The following SLC5A1 variants were observed in gnomAD, a reference collection of about 807,000 sequenced individuals.
The protein encoded by SLC5A1 is solute carrier family 5 member 1, also known as sodium/glucose cotransporter 1.
SLC5A1 carries 42 observed loss-of-function variants against 73.5 expected under a neutral mutation model. The observed-to-expected ratio is 0.57, with a 90% confidence interval of 0.45 to 0.74. The LOEUF is 0.74. Among genes scored for constraint, SLC5A1 ranks in the 30% least tolerant of loss-of-function variants. The pLI, the probability that SLC5A1 is intolerant of heterozygous loss-of-function variation, is 0.00. For missense variants in SLC5A1, 634 were observed against 855.4 expected (o/e 0.74, Z 3.23); for synonymous variants, 300 against 317.4 (o/e 0.95, Z 0.58).
At chr22:32,087,021 C>A (rs2094009432) in intron 10 of SLC5A1, among the ~76,000 whole-genome samples, 1 of 152,096 alleles carries the variant, frequency 6.6e-6, no homozygotes, top group Non-Finnish European at 1.5e-5. Flanking sequence ...ACAAATACCA[C>A]ATATTGTCAC....
chr22:32,079,112 A>G (rs2093995579), intron 5 of SLC5A1, among the ~76,000 whole-genome samples: 1 of 152,168 alleles, frequency 6.6e-6, no homozygotes, highest in Admixed American at 6.5e-5. Context: ...CTCTCTGAAC[A>G]TGAAGAAAAG....
intron 11 of SLC5A1, among the ~76,000 whole-genome samples, chr22:32,092,895 G>C (rs1346515603): frequency 6.6e-6 from 1 of 152,094 alleles, no homozygotes; most frequent in Non-Finnish European, 1.5e-5. Flanking sequence ...GCCTAGGAGG[G>C]TTTTTCTGAT....
chr22:32,055,987 G>T (rs796418426), intron 2 of SLC5A1, among the ~76,000 whole-genome samples: 2 of 152,086 alleles, frequency 1.3e-5, no homozygotes, highest in Admixed American at 1.3e-4. Flanking sequence ...AATCACAAAC[G>T]CTAGCAAATG....
intron 11 of SLC5A1, among the ~76,000 whole-genome samples, chr22:32,093,067 C>A (rs2094020638): frequency 6.6e-6 from 1 of 152,100 alleles, no homozygotes; most frequent in Non-Finnish European, 1.5e-5. Context: ...GTGTCCTTTC[C>A]CCACTTTATA....
chr22:32,066,705 A>C (rs1421828438), intron 2 of SLC5A1, among the ~76,000 whole-genome samples: 4 of 152,202 alleles, frequency 2.6e-5, no homozygotes, highest in African/African-American at 9.6e-5. Flanking sequence ...TTTGGGATAC[A>C]TCCCACTGCT....
At position 32,111,770 on chromosome 22, in the gene SLC5A1, G is replaced by A. The variant is rs1251675431; in HGVS notation, c.*1557G>A. 6.6e-6 allele frequency: 1 copy of A among 152,134 alleles called. No homozygotes were observed. Among genetic ancestry groups the A allele is most frequent in the Non-Finnish European group, 1.5e-5 (1 of 68,032 alleles). 9.4% of individuals were successfully genotyped at this position (152,134 alleles called of 1,614,324 possible). A position where few individuals can be genotyped will look rare whatever the true frequency, so the allele number is the denominator to read the frequency against. On this transcript the variant is annotated 3_prime_UTR_variant, in exon 15 of 15. Coordinates refer to ENST00000266088, the MANE Select transcript of SLC5A1 (RefSeq NM_000343.4). ...TAGCATGTCAGCAAATACAAGCAAA[G>A]CCCAACACTCTGATTTGCATTTATG...
At chr22:32,091,420 T>C (rs1171330426) in intron 10 of SLC5A1, among the ~76,000 whole-genome samples, 192 bp from the exon 11 acceptor site, 1 of 152,098 alleles carries the variant, frequency 6.6e-6, no homozygotes, top group Non-Finnish European at 1.5e-5. Flanking sequence ...GTGGCTGCTG[T>C]GGGCTTATAA....
At chr22:32,067,131 A>G (rs2093974816) in intron 3 of SLC5A1, 92 bp downstream of exon 3, 1 of 1,085,258 alleles carries the variant, frequency 9.2e-7, no homozygotes, top group African/African-American at 1.5e-5. Context: ...TGAAGATGTT[A>G]GGGAACCCTT....
chr22:32,086,901 A>G (rs978449769), intron 10 of SLC5A1, among the ~76,000 whole-genome samples: 2 of 152,256 alleles, frequency 1.3e-5, no homozygotes, highest in Non-Finnish European at 2.9e-5. Context: ...AATATACAGT[A>G]TATACACAAT....
Position 32,083,071 on chromosome 22 carries a change from T to G in SLC5A1, c.584-3T>G, listed in dbSNP as rs2094002498. ...CAGATGTGTTGTCTTCTTGCCTGCTTAGGGGGCCTGGCGGCGGTGATTTAC... is the reference window on the plus strand; with the variant it reads ...CAGATGTGTTGTCTTCTTGCCTGCTGAGGGGGCCTGGCGGCGGTGATTTAC... On this transcript the variant is annotated splice_polypyrimidine_tract_variant and splice_region_variant and intron_variant, in intron 6 of 14. Transcript: ENST00000266088. The G allele has an allele frequency of 6.2e-7, 1 of 1,613,922 alleles. No individual in the cohort carries two copies. Among genetic ancestry groups the G allele is most frequent in the Non-Finnish European group, 8.5e-7 (1 of 1,179,946 alleles).
At chr22:32,065,537 G>A (rs1403550468) in intron 2 of SLC5A1, among the ~76,000 whole-genome samples, 3 of 152,024 alleles carry the variant, frequency 2.0e-5, no homozygotes, top group South Asian at 2.1e-4. Context: ...TACCACTCTC[G>A]GATCATTGTT....
chr22:32,059,931 G>C (rs1488352006), intron 2 of SLC5A1, among the ~76,000 whole-genome samples: 2 of 151,516 alleles, frequency 1.3e-5, no homozygotes, highest in Non-Finnish European at 2.9e-5. Flanking sequence ...ATCAGTCAAA[G>C]TTTCTTTCAC....
intron 2 of SLC5A1, among the ~76,000 whole-genome samples, chr22:32,063,157 C>T (rs2093966371): frequency 6.6e-6 from 1 of 152,152 alleles, no homozygotes; most frequent in African/African-American, 2.4e-5. Context: ...CTTATTATCT[C>T]CCTAAAAGCC....
At chr22:32,049,808 G>T (rs1298904414) in intron 1 of SLC5A1, 135 bp from the exon 2 acceptor site, 2 of 793,706 alleles carry the variant, frequency 2.5e-6, no homozygotes, top group Admixed American at 1.7e-5. Flanking sequence ...GAGGCTGCAG[G>T]GGAAGAAGGA....
rs1211047155 is a variant in SLC5A1 at position 32,102,000 on chromosome 22, A to T, written c.1450-22A>T. 1.9e-6 allele frequency: 3 copies of T among 1,582,196 alleles called. No homozygotes were observed. In the Admixed American group the frequency reaches 5.0e-5, roughly 26 times the overall value. On this transcript the variant is annotated intron_variant, in intron 12 of 14. Coordinates refer to ENST00000266088, the MANE Select transcript of SLC5A1 (RefSeq NM_000343.4). Reference sequence around the variant, plus strand: ...CTGTTTTGTGTGTTCAGCATGAGTTAACCCAGGGTTTTCTTTCACAGGGAG... The same window carrying T: ...CTGTTTTGTGTGTTCAGCATGAGTTTACCCAGGGTTTTCTTTCACAGGGAG...
At chr22:32,081,076 T>G (rs1403675638) in intron 5 of SLC5A1, among the ~76,000 whole-genome samples, 1 of 152,052 alleles carries the variant, frequency 6.6e-6, no homozygotes, top group South Asian at 2.1e-4. Context: ...GACATGAACA[T>G]GCATTTGGGG....
chr22:32,051,647 C>A (rs1393587148), intron 2 of SLC5A1, among the ~76,000 whole-genome samples: 1 of 151,944 alleles, frequency 6.6e-6, no homozygotes, highest in Non-Finnish European at 1.5e-5. Context: ...CAGAGTGAGA[C>A]CCTGTTTCAA....
At chr22:32,105,479 G>C (rs2094044033) in intron 14 of SLC5A1, among the ~76,000 whole-genome samples, 2 of 151,928 alleles carry the variant, frequency 1.3e-5, no homozygotes, top group African/African-American at 4.8e-5. Context: ...GTTTTTAGTA[G>C]AGATGGGGTT....
chr22:32,044,989 C>A (rs960198689), intron 1 of SLC5A1, among the ~76,000 whole-genome samples: 8 of 152,180 alleles, frequency 5.3e-5, no homozygotes, highest in Admixed American at 4.6e-4. Context: ...GAATGCTAAT[C>A]CCCGTTTTAC....
Sources: allele counts gnomAD v4.1 joint callset (sites outside exome capture counted in the v4.1 genomes callset), GRCh38; gene constraint gnomAD v4.1.1; transcripts MANE v1.5; gene names NCBI Gene and HGNC (gene_info 2026-07-23, HGNC 2026-07-21).